Variants in CCNY observed in about 807,000 individuals in gnomAD.
CCNY encodes cyclin Y.
In CCNY, 19 loss-of-function variants were observed where a neutral mutation model predicts 42.8. The ratio of observed to expected loss-of-function variants is 0.44; its 90% CI spans 0.31 to 0.65. The LOEUF is 0.65. Among genes scored for constraint, CCNY ranks in the 30% least tolerant of loss-of-function variants. The pLI is 0.07. For missense variants in CCNY, 370 were observed against 437.3 expected, an observed-to-expected ratio of 0.85 and a Z score of 1.37; for synonymous variants, 165 against 162.7, an observed-to-expected ratio of 1.01 and a Z score of -0.11.
chr10:35,319,942 T>G (rs1835802572), intron 3 of CCNY, among the ~76,000 whole-genome samples: 1 of 151,932 alleles, frequency 6.6e-6, no homozygotes, highest in African/African-American at 2.4e-5. Flanking sequence ...ACTGTGACAC[T>G]CTGTCTCAAA....
chr10:35,290,263 C>CACACAAAA (rs1167708883), intron 3 of CCNY, among the ~76,000 whole-genome samples: 1 of 148,556 alleles, frequency 6.7e-6, no homozygotes, highest in Non-Finnish European at 1.5e-5. Context: ...CACACACACA[C>CACACAAAA]AAAATTAGCT....
chr10:35,506,167 C>T (rs926994006), intron 3 of CCNY, among the ~76,000 whole-genome samples: 1 of 152,092 alleles, frequency 6.6e-6, no homozygotes, highest in Non-Finnish European at 1.5e-5. Flanking sequence ...TGAAAGAAGA[C>T]TAAGTTTTTA....
chr10:35,468,013 A>G (rs1839305567), intron 1 of CCNY, among the ~76,000 whole-genome samples: 1 of 152,222 alleles, frequency 6.6e-6, no homozygotes, highest in Admixed American at 6.5e-5. Flanking sequence ...TTCATTGACC[A>G]TGTTAGCCAT....
intron 2 of CCNY, among the ~76,000 whole-genome samples, chr10:35,499,256 C>G (rs1329029561): frequency 2.0e-5 from 3 of 152,152 alleles, no homozygotes; most frequent in Non-Finnish European, 4.4e-5. Context: ...GGAGGCGTCA[C>G]AGTCATGGTG....
chr10:35,468,258 G>A (rs991272414), intron 1 of CCNY, among the ~76,000 whole-genome samples: 4 of 152,176 alleles, frequency 2.6e-5, no homozygotes, highest in African/African-American at 7.2e-5. Context: ...AATCGCATTC[G>A]TGAGGGCTCT....
chr10:35,277,885 G>A (rs934739850), intron 3 of CCNY, among the ~76,000 whole-genome samples: 1 of 152,166 alleles, frequency 6.6e-6, no homozygotes, highest in Admixed American at 6.5e-5. Context: ...CTCTTTAGGG[G>A]ATGAGGCTGG....
At chr10:35,513,484 C>T (rs1258087243) in intron 3 of CCNY, among the ~76,000 whole-genome samples, 1 of 152,148 alleles carries the variant, frequency 6.6e-6, no homozygotes, top group Non-Finnish European at 1.5e-5. Flanking sequence ...AAAGAACATC[C>T]CTGTTGCTTT....
intron 1 of CCNY, among the ~76,000 whole-genome samples, chr10:35,368,906 G>T (rs1405744349): frequency 6.6e-6 from 1 of 152,208 alleles, no homozygotes; most frequent in African/African-American, 2.4e-5. Context: ...GGCCTAGTGA[G>T]CAGGGTCTCT....
chr10:35,525,059 A>G (rs1840624531), intron 4 of CCNY, among the ~76,000 whole-genome samples: 2 of 152,216 alleles, frequency 1.3e-5, no homozygotes. Flanking sequence ...TATAATTGCA[A>G]AGTATTAGAA....
At chr10:35,258,836 C>T (rs1415637528) in intron 3 of CCNY, among the ~76,000 whole-genome samples, 1 of 151,236 alleles carries the variant, frequency 6.6e-6, no homozygotes, top group East Asian at 1.9e-4. Context: ...CTTGGGGAGG[C>T]TGAGGCAGGA....
chr10:35,570,937 G>A lies in CCNY; in HGVS notation c.*1767G>A, dbSNP rs1416316159. 2.0e-5 allele frequency: 3 copies of A among 152,290 alleles called. No individual in the cohort carries two copies. The highest frequency in any genetic ancestry group is 2.1e-4 in the South Asian group (1 of 4,828). 9.4% of individuals were successfully genotyped at this position (152,290 alleles called of 1,614,324 possible). A position where few individuals can be genotyped will look rare whatever the true frequency, so the allele number is the denominator to read the frequency against. On this transcript the variant is annotated 3_prime_UTR_variant, in exon 10 of 10. Transcript: ENST00000374704. ...AAAGCAAATAAACAGCATATAAAAC[G>A]TTAATTATCTTTCCATTGTAATTGT... is the stretch of plus-strand genomic sequence containing the variant.
chr10:35,517,631 G>A (rs1203238310), intron 4 of CCNY, among the ~76,000 whole-genome samples: 1 of 152,174 alleles, frequency 6.6e-6, no homozygotes, highest in African/African-American at 2.4e-5. Flanking sequence ...GGAGGACAAG[G>A]CCGCTTGGGT....
chr10:35,328,469 C>T (rs907222815), intron 3 of CCNY, among the ~76,000 whole-genome samples: 1 of 152,166 alleles, frequency 6.6e-6, no homozygotes, highest in African/African-American at 2.4e-5. Flanking sequence ...AACGTAGCAT[C>T]ATATACTTTG....
At chr10:35,395,599 G>A (rs1837507535) in intron 1 of CCNY, among the ~76,000 whole-genome samples, 1 of 151,958 alleles carries the variant, frequency 6.6e-6, no homozygotes, top group Non-Finnish European at 1.5e-5. Flanking sequence ...GTTGAGGAGG[G>A]GGGCAATTCA....
chr10:35,253,414 A>ATTT (rs61405875), intron 3 of CCNY, among the ~76,000 whole-genome samples: 34 of 89,024 alleles, frequency 3.8e-4, no homozygotes, highest in Non-Finnish European at 5.2e-4. Context: ...CATGCTCACT[A>ATTT]TTTTTTTTTT....
intron 1 of CCNY, among the ~76,000 whole-genome samples, chr10:35,409,497 C>T (rs1385617051): frequency 6.6e-6 from 1 of 152,120 alleles, no homozygotes; most frequent in East Asian, 1.9e-4. Flanking sequence ...TGGGAAATAA[C>T]AGCTGTGAAC....
Position 35,337,188 on chromosome 10 carries a change from C to A in CCNY, c.135C>A (p.Ser45Arg). 1.3e-6 allele frequency: 2 copies of A among 1,562,852 alleles called. No individual in the cohort carries two copies. Among genetic ancestry groups the A allele is most frequent in the Non-Finnish European group, 1.7e-6 (2 of 1,156,016 alleles). ...EDTGCNLQHI[S>R]DRENIDDLNM... is the part of the protein sequence containing the mutation. Reference sequence around the variant, plus strand: ...CGGGCTGCAACCTGCAGCACATCAGCGACCGGGAGAACATAGACGGTGAGT... The same window carrying A: ...CGGGCTGCAACCTGCAGCACATCAGAGACCGGGAGAACATAGACGGTGAGT... Residue 45 changes from serine to arginine, a missense_variant, in exon 1 of 10, where the codon AGC (serine) becomes AGA (arginine). By Grantham distance (110) the Ser-to-Arg change is moderately radical (BLOSUM62 -1). Coordinates refer to ENST00000374704, the MANE Select transcript of CCNY (RefSeq NM_145012.6).
At chr10:35,554,234 C>A (rs1211773138) in intron 8 of CCNY, among the ~76,000 whole-genome samples, 1 of 152,084 alleles carries the variant, frequency 6.6e-6, no homozygotes, top group Admixed American at 6.5e-5. Flanking sequence ...CTAGGGCCCT[C>A]CTTGCCTCTG....
chr10:35,307,760 ATGTGTGTGTGTGTGTG>A (rs60407989), intron 3 of CCNY, among the ~76,000 whole-genome samples: 5,984 of 116,180 alleles, frequency 0.052, 354 homozygotes, highest in African/African-American at 0.12. Context: ...ATGTGTATAT[ATGTGTGTGTGTGTGTG>A]TGTGTGTGTG....
Sources: gnomAD v4.1 joint callset for allele counts (sites outside exome capture counted in the v4.1 genomes callset) on GRCh38, gnomAD v4.1.1 for gene constraint, MANE v1.5 for transcripts, NCBI Gene and HGNC (gene_info 2026-07-23, HGNC 2026-07-21) for gene names.